The following GLRB variants were observed in gnomAD, a reference collection of about 807,000 sequenced individuals.
GLRB encodes glycine receptor subunit beta.
GLRB carries 33 observed loss-of-function variants against 54.2 expected under a neutral mutation model. The observed-to-expected ratio is 0.61, with a 90% CI of 0.46 to 0.81. The LOEUF (loss-of-function observed/expected upper bound fraction) is 0.81, where lower values mean the gene tolerates loss of function less well. Among genes scored for constraint, GLRB ranks in the 40% least tolerant of loss-of-function variants. GLRB has a pLI of 0.00. For missense variants in GLRB, 572 were observed against 584.6 expected, an observed-to-expected ratio of 0.98 and a Z score of 0.22; for synonymous variants, 209 against 208.2, an observed-to-expected ratio of 1.00 and a Z score of -0.03.
chr4:157,104,181 T>C (rs1735139346), intron 2 of GLRB, among the ~76,000 whole-genome samples: 1 of 152,210 alleles, frequency 6.6e-6, no homozygotes, highest in Non-Finnish European at 1.5e-5. Flanking sequence ...TGATGTTCTC[T>C]GTGAGCTTTT....
chr4:157,104,789 G>T (rs546216319), intron 2 of GLRB, among the ~76,000 whole-genome samples: 7 of 152,030 alleles, frequency 4.6e-5, no homozygotes, highest in Admixed American at 1.3e-4. Context: ...TTAGTGGATT[G>T]TATGTGCCAA....
intron 9 of GLRB, among the ~76,000 whole-genome samples, chr4:157,161,039 A>G (rs2126621049): frequency 6.6e-6 from 1 of 152,330 alleles, no homozygotes; most frequent in Non-Finnish European, 1.5e-5. Context: ...CTATATATTC[A>G]GGATAGTTAG....
chr4:157,125,306 A>G (rs1735978300), intron 4 of GLRB, among the ~76,000 whole-genome samples: 1 of 151,818 alleles, frequency 6.6e-6, no homozygotes, highest in Non-Finnish European at 1.5e-5. Flanking sequence ...TATATATAAG[A>G]TGCACATTCA....
In GLRB at chr4:157,133,563, G is replaced by T. The variant is rs567467900; in HGVS notation, c.298-2906G>T. 3.1e-4 allele frequency among the ~76,000 whole-genome samples: 47 copies of T among 151,928 alleles called. No homozygotes were observed. In the Middle Eastern group the frequency reaches 0.01, roughly 33 times the overall value. ...ATAGTTATTTTTTTAAAAGCAAGGG[G>T]AGCTCACAGCTTTATCCTTGCTAAC... On this transcript the variant is annotated intron_variant, in intron 4 of 9. Coordinates refer to ENST00000264428, the MANE Select transcript of GLRB (RefSeq NM_000824.5).
chr4:157,089,575 C>T (rs1411433526), intron 2 of GLRB, among the ~76,000 whole-genome samples: 2 of 152,180 alleles, frequency 1.3e-5, no homozygotes, highest in African/African-American at 4.8e-5. Flanking sequence ...TCACTCCTGG[C>T]TCTTTTTAGC....
intron 2 of GLRB, among the ~76,000 whole-genome samples, chr4:157,093,117 A>G (rs994232530): frequency 2.0e-5 from 3 of 152,132 alleles, no homozygotes; most frequent in Non-Finnish European, 4.4e-5. Context: ...TTCAAGCAAC[A>G]TATTGGGTTT....
At chr4:157,092,334 C>T (rs1337649695) in intron 2 of GLRB, among the ~76,000 whole-genome samples, 1 of 152,168 alleles carries the variant, frequency 6.6e-6, no homozygotes, top group African/African-American at 2.4e-5. Flanking sequence ...AAATAAGAAT[C>T]TGTACCTATT....
chr4:157,076,807 G>A (rs1441206076), intron 1 of GLRB, among the ~76,000 whole-genome samples: 2 of 151,932 alleles, frequency 1.3e-5, no homozygotes, highest in African/African-American at 4.8e-5. Context: ...CTGTCGGATG[G>A]GGGAAGGGAG....
Position 157,143,808 on chromosome 4 carries a change from C to G in GLRB, c.753C>G (p.Gly251=). The G allele has an allele frequency of 6.2e-7, 1 of 1,612,678 alleles. No individual in the cohort carries two copies. The highest frequency in any genetic ancestry group is 8.5e-7 in the Non-Finnish European group (1 of 1,179,586). The change falls in exon 8 of 10, where the codon GGC becomes GGG. Residue 251 remains glycine (G), a splice_region_variant and synonymous_variant. Transcript: ENST00000264428. ...CTTGAATGTGTTTGCTTCTGAAAGG[C>G]TACTACACATGCGTGGAAGTCATCT... ...GNCTKYYKGT[G]YYTCVEVIFT... is the part of the protein sequence containing the mutation.
chr4:157,082,139 A>G lies in GLRB; in HGVS notation c.122+3993A>G, dbSNP rs139276661. Among the ~76,000 whole-genome samples the G allele has an allele frequency of 1.5e-3, 234 of 152,256 alleles. 1 individual carries two copies. Among genetic ancestry groups the G allele is most frequent in the African/African-American group, 5.3e-3 (222 of 41,564 alleles). On this transcript the variant is annotated intron_variant, in intron 2 of 9. Coordinates refer to ENST00000264428, the MANE Select transcript of GLRB (RefSeq NM_000824.5). ...TGTTGATTTCTATGTCTGTGTATACAGCCCGTACCTCTTTGAAGAGCACCA... is the reference window on the plus strand; with the variant it reads ...TGTTGATTTCTATGTCTGTGTATACGGCCCGTACCTCTTTGAAGAGCACCA...
At chr4:157,119,328 T>C (rs72980516) in intron 2 of GLRB, among the ~76,000 whole-genome samples, 12,016 of 151,694 alleles carry the variant, frequency 0.079, 1,282 homozygotes, top group African/African-American at 0.25. Context: ...TTGGGGAATA[T>C]CATTTTATGA....
chr4:157,083,693 A>G (rs1335721438), intron 2 of GLRB, among the ~76,000 whole-genome samples: 1 of 152,146 alleles, frequency 6.6e-6, no homozygotes. Context: ...CTGTTTATTT[A>G]AGTATGTCTT....
intron 2 of GLRB, among the ~76,000 whole-genome samples, chr4:157,116,396 A>G (rs1470236050): frequency 6.6e-6 from 1 of 151,820 alleles, no homozygotes; most frequent in African/African-American, 2.4e-5. Flanking sequence ...ATTTCTTAAA[A>G]TAAAACAAAA....
In GLRB at chr4:157,131,428, C is replaced by T. The variant is rs186786888; in HGVS notation, c.298-5041C>T. On this transcript the variant is annotated intron_variant, in intron 4 of 9. Coordinates refer to ENST00000264428, the MANE Select transcript of GLRB (RefSeq NM_000824.5). ...ACATTTGTTATCAAACATAATTAGA[C>T]GTTATCCTCCAAAGTTTATCTTTTA... 5.3e-5 allele frequency among the ~76,000 whole-genome samples: 8 copies of T among 151,762 alleles called. No individual in the cohort carries two copies. In the East Asian group the frequency reaches 1.2e-3, roughly 22 times the overall value.
chr4:157,145,353 T>A (rs1736768893), intron 8 of GLRB, among the ~76,000 whole-genome samples: 1 of 152,152 alleles, frequency 6.6e-6, no homozygotes, highest in East Asian at 1.9e-4. Flanking sequence ...CAGATTTAAC[T>A]TCTTTAAAAA....
chr4:157,117,236 C>A (rs1735640194), intron 2 of GLRB, among the ~76,000 whole-genome samples: 1 of 151,640 alleles, frequency 6.6e-6, no homozygotes, highest in South Asian at 2.1e-4. Context: ...TAATATTTCA[C>A]TTACACTATG....
At chr4:157,145,177 C>T (rs527683854) in intron 8 of GLRB, among the ~76,000 whole-genome samples, 1 of 152,286 alleles carries the variant, frequency 6.6e-6, no homozygotes, top group Non-Finnish European at 1.5e-5. Flanking sequence ...TCTGACATAT[C>T]CTTTAAGAAT....
chr4:157,170,748 C>A lies in GLRB; in HGVS notation c.*20C>A. 7.4e-7 allele frequency: 1 copy of A among 1,355,792 alleles called. No individual in the cohort carries two copies. Among genetic ancestry groups the A allele is most frequent in the Non-Finnish European group, 1.0e-6 (1 of 999,500 alleles). The allele number at this position is 1,355,792 out of a possible 1,614,324, so 84.0% of individuals were successfully genotyped here. A position where few individuals can be genotyped will look rare whatever the true frequency, so the allele number is the denominator to read the frequency against. ...TTATGATAAATCTTTTCCATTTGTA[C>A]AAAATAAAATTCCATTTCATTGTGA... On this transcript the variant is annotated 3_prime_UTR_variant, in exon 10 of 10. Transcript: ENST00000264428.
chr4:157,168,279 G>A (rs1337594101), intron 9 of GLRB, among the ~76,000 whole-genome samples: 1 of 152,182 alleles, frequency 6.6e-6, no homozygotes, highest in African/African-American at 2.4e-5. Flanking sequence ...AAAAAGTGGA[G>A]TGAGGGGGTG....
Sources: gnomAD v4.1 joint callset for allele counts (sites outside exome capture counted in the v4.1 genomes callset) on GRCh38, gnomAD v4.1.1 for gene constraint, MANE v1.5 for transcripts, NCBI Gene and HGNC (gene_info 2026-07-23, HGNC 2026-07-21) for gene names.